The following PPP6C variants were observed in gnomAD, a reference collection of about 807,000 sequenced individuals.
PPP6C encodes serine/threonine-protein phosphatase 6 catalytic subunit.
A neutral mutation model predicts 39.8 loss-of-function variants in PPP6C; 11 were observed. That is an observed-to-expected ratio of 0.28 (90% confidence interval 0.17 to 0.46). The LOEUF (loss-of-function observed/expected upper bound fraction) is 0.46. Among genes scored for constraint, PPP6C ranks in the 20% least tolerant of loss-of-function variants. The probability of loss-of-function intolerance (pLI) is 1.00; values close to 1 mark genes in which losing one functional copy is unlikely to be tolerated. For synonymous variants in PPP6C, 129 were observed against 130.3 expected, an observed-to-expected ratio of 0.99 and a Z score of 0.07; for missense variants, 211 against 373.9, an observed-to-expected ratio of 0.56 and a Z score of 3.59.
chr9:125,166,354 C>G (rs975505817), intron 2 of PPP6C, among the ~76,000 whole-genome samples: 3 of 152,112 alleles, frequency 2.0e-5, no homozygotes, highest in Admixed American at 2.0e-4. Flanking sequence ...GCAACAAATA[C>G]TGTCAATTGT....
At position 125,153,602 on chromosome 9, in the gene PPP6C, T is replaced by C. The variant is rs758628328; in HGVS notation, c.600A>G (p.Glu200=). The part of the protein sequence containing the change: ...AFCDLVWSDP[E]DVDTWAISPR... ...GACTGATAGCCCAGGTATCCACATCTTCAGGATCTGACCAAACCAGATCAC... is the reference window on the plus strand; with the variant it reads ...GACTGATAGCCCAGGTATCCACATCCTCAGGATCTGACCAAACCAGATCAC... The change falls in exon 6 of 7, where the codon GAA becomes GAG. Residue 200 remains glutamate (E), a synonymous_variant. Coordinates refer to ENST00000373547, the MANE Select transcript of PPP6C (RefSeq NM_002721.5). The C allele has an allele frequency of 1.9e-6, 3 of 1,614,158 alleles. No homozygotes were observed. In the South Asian group the frequency reaches 3.3e-5, roughly 18 times the overall value.
Position 125,149,556 on chromosome 9 carries a change from C to T in PPP6C, c.*117G>A. On this transcript the variant is annotated 3_prime_UTR_variant, in exon 7 of 7. Coordinates refer to ENST00000373547, the MANE Select transcript of PPP6C (RefSeq NM_002721.5). ...AATTTAAAATTTAAAAAAAAAAAGG[C>T]AAGAGGCAGCATTTCAGCAGCAAAG... is the stretch of plus-strand genomic sequence containing the variant. 1 of 1,165,708 alleles carries T rather than the reference C, an allele frequency of 8.6e-7. No homozygotes were observed. The highest frequency in any genetic ancestry group is 1.2e-6 in the Non-Finnish European group (1 of 852,632). The allele number at this position is 1,165,708 out of a possible 1,614,324, so 72.2% of individuals were successfully genotyped here.
intron 2 of PPP6C, among the ~76,000 whole-genome samples, chr9:125,166,501 T>A (rs1192045020): frequency 6.6e-6 from 1 of 151,868 alleles, no homozygotes; most frequent in Non-Finnish European, 1.5e-5. Flanking sequence ...TTTTAACTCA[T>A]GACTCAAAGA....
At chr9:125,150,107 C>T (rs1835899785) in intron 6 of PPP6C, among the ~76,000 whole-genome samples, 186 bp from the exon 7 acceptor site, 1 of 152,066 alleles carries the variant, frequency 6.6e-6, no homozygotes, top group African/African-American at 2.4e-5. Context: ...GTCAAGTGCA[C>T]AACTATGGAA....
In PPP6C at chr9:125,184,246, G is replaced by C. The variant is rs1189118405; in HGVS notation, c.75+5398C>G. Among the ~76,000 whole-genome samples the C allele has an allele frequency of 2.0e-5, 3 of 151,992 alleles. No individual in the cohort carries two copies. The East Asian group carries it at 5.8e-4, about 29-fold the overall frequency. On this transcript the variant is annotated intron_variant, in intron 1 of 6. Transcript: ENST00000373547. The stretch of plus-strand genomic sequence containing the variant: ...ACCAAAAATACCAAAAAACTAGCCA[G>C]GCATGGTGGCATGCATCTGTAGTCC...
intron 2 of PPP6C, 87 bp downstream of exon 2, chr9:125,170,998 G>A: frequency 2.4e-6 from 2 of 819,714 alleles, no homozygotes; most frequent in Non-Finnish European, 1.8e-6. Context: ...TGTTGATGTT[G>A]TTGTTGTTTT....
chr9:125,183,433 T>C (rs1829459729), intron 1 of PPP6C, among the ~76,000 whole-genome samples: 1 of 152,240 alleles, frequency 6.6e-6, no homozygotes, highest in African/African-American at 2.4e-5. Flanking sequence ...TGTATCCCTG[T>C]AATAATTTTC....
At chr9:125,175,517 C>G (rs1453816332) in intron 1 of PPP6C, among the ~76,000 whole-genome samples, 15 of 151,714 alleles carry the variant, frequency 9.9e-5, no homozygotes, top group African/African-American at 3.4e-4. Context: ...GTGGCAGGCG[C>G]CTGTAGTCCC....
chr9:125,170,174 A>G (rs1411788692), intron 2 of PPP6C, among the ~76,000 whole-genome samples: 1 of 152,106 alleles, frequency 6.6e-6, no homozygotes, highest in Admixed American at 6.6e-5. Flanking sequence ...ACAAATATAC[A>G]TGAGACTAAA....
chr9:125,180,452 C>T (rs998645123), intron 1 of PPP6C, among the ~76,000 whole-genome samples: 7 of 152,052 alleles, frequency 4.6e-5, no homozygotes, highest in African/African-American at 1.2e-4. Flanking sequence ...GATGGAGTTT[C>T]GCTCTTGTCA....
At chr9:125,180,671 T>C (rs1156456220) in intron 1 of PPP6C, among the ~76,000 whole-genome samples, 1 of 152,210 alleles carries the variant, frequency 6.6e-6, no homozygotes, top group East Asian at 1.9e-4. Flanking sequence ...TACACCCACC[T>C]TAGCCTCCCA....
chr9:125,165,407 C>A (rs7861650), intron 2 of PPP6C, among the ~76,000 whole-genome samples: 66,851 of 151,318 alleles, frequency 0.44, 15,102 homozygotes, highest in East Asian at 0.53. Flanking sequence ...CTCAAAAAAA[C>A]AAATCAATAA....
chr9:125,158,637 C>T (rs1836139429), intron 3 of PPP6C, among the ~76,000 whole-genome samples: 1 of 150,764 alleles, frequency 6.6e-6, no homozygotes, highest in South Asian at 2.1e-4. Context: ...AAAACTTTCC[C>T]TGAAAAAAAA....
intron 1 of PPP6C, among the ~76,000 whole-genome samples, chr9:125,181,813 T>C (rs551137113): frequency 2.6e-5 from 4 of 152,372 alleles, no homozygotes; most frequent in African/African-American, 9.6e-5. Context: ...TTTGGGTATA[T>C]ACCCAGTAAT....
At chr9:125,184,761 C>T (rs1296826772) in intron 1 of PPP6C, among the ~76,000 whole-genome samples, 7 of 151,578 alleles carry the variant, frequency 4.6e-5, no homozygotes, top group Non-Finnish European at 1.0e-4. Flanking sequence ...TCACCTGAGG[C>T]CAGAAGTTCG....
At chr9:125,159,927 C>A (rs931150472) in intron 3 of PPP6C, among the ~76,000 whole-genome samples, 33 of 151,866 alleles carry the variant, frequency 2.2e-4, no homozygotes, top group African/African-American at 7.7e-4. Context: ...GAGGCTGAGG[C>A]AAGAGAATCA....
In PPP6C at chr9:125,179,656, T is replaced by G. The variant is rs1284272180; in HGVS notation, c.76-8476A>C. On this transcript the variant is annotated intron_variant, in intron 1 of 6. Coordinates refer to ENST00000373547, the MANE Select transcript of PPP6C (RefSeq NM_002721.5). ...ATCCAGCTTTCCTTTTCTCTCTCTC[T>G]TTTTTTTTTTTTTTTTGGAAACAAA... 2.2e-4 allele frequency among the ~76,000 whole-genome samples: 15 copies of G among 69,478 alleles called. 1 individual carries two copies. Among genetic ancestry groups the G allele is most frequent in the Admixed American group, 2.0e-3 (15 of 7,550 alleles). 45.6% of individuals were successfully genotyped at this position (69,478 alleles called of 152,430 possible). A position where few individuals can be genotyped will look rare whatever the true frequency, so the allele number is the denominator to read the frequency against.
At chr9:125,169,602 C>T (rs1190440083) in intron 2 of PPP6C, among the ~76,000 whole-genome samples, 1 of 149,816 alleles carries the variant, frequency 6.7e-6, no homozygotes, top group Non-Finnish European at 1.5e-5. Flanking sequence ...AGAGAAGTTA[C>T]ATAGAAACTT....
At position 125,149,508 on chromosome 9, in the gene PPP6C, C is replaced by A; in HGVS notation, c.*165G>T. The A allele has an allele frequency of 1.1e-6, 1 of 888,202 alleles. No homozygotes were observed. The highest frequency in any genetic ancestry group is 2.4e-5 in the South Asian group (1 of 42,088). 55.0% of individuals were successfully genotyped at this position (888,202 alleles called of 1,614,324 possible). A position where few individuals can be genotyped will look rare whatever the true frequency, so the allele number is the denominator to read the frequency against. On this transcript the variant is annotated 3_prime_UTR_variant, in exon 7 of 7. Coordinates refer to ENST00000373547, the MANE Select transcript of PPP6C (RefSeq NM_002721.5). ...GATAGAAAAACTTTGCTATAGACAC[C>A]ACAACAAACAATAAATTTAGATAAT...
Sources: allele counts gnomAD v4.1 joint callset (sites outside exome capture counted in the v4.1 genomes callset), GRCh38; gene constraint gnomAD v4.1.1; transcripts MANE v1.5; gene names NCBI Gene and HGNC (gene_info 2026-07-23, HGNC 2026-07-21).